WDR48: variants seen among roughly 807,000 people sequenced by gnomAD.
WDR48 encodes WD repeat-containing protein 48.
A neutral mutation model predicts 94.0 loss-of-function variants in WDR48; 22 were observed. The ratio of observed to expected loss-of-function variants is 0.23; its 90% CI spans 0.17 to 0.33. The LOEUF (loss-of-function observed/expected upper bound fraction) is 0.33. Ranked by LOEUF, WDR48 falls within the 10% of genes least tolerant of loss-of-function variation. The probability of loss-of-function intolerance (pLI) is 1.00; values close to 1 mark genes in which losing one functional copy is unlikely to be tolerated. For synonymous variants in WDR48, 278 were observed against 280.5 expected, an observed-to-expected ratio of 0.99 and a Z score of 0.09; for missense variants, 541 against 813.8, an observed-to-expected ratio of 0.66 and a Z score of 4.08.
chr3:39,078,575 T>G (rs1246908385), intron 10 of WDR48, among the ~76,000 whole-genome samples: 1 of 151,878 alleles, frequency 6.6e-6, no homozygotes, highest in Non-Finnish European at 1.5e-5. Context: ...TGAGCTACCA[T>G]GCCCAGCTAC....
rs1366231373 is a variant in WDR48, at chr3:39,093,942, T to C, written c.1814T>C (p.Ile605Thr). The change falls in exon 18 of 19, where the codon ATC becomes ACC. Residue 605 changes from isoleucine (I) to threonine (T), a missense_variant. Ile to Thr is a moderately conservative substitution (Grantham distance 89). Coordinates refer to ENST00000302313, the MANE Select transcript of WDR48 (RefSeq NM_020839.4). ...ATGGAACATGTTTATGAAAAAATTA[T>C]CAACTTGGATAATGAGTCTCAAACC... ...KVMEHVYEKI[I>T]NLDNESQTTS... 1.2e-6 allele frequency: 2 copies of C among 1,613,778 alleles called. No individual in the cohort carries two copies. Among genetic ancestry groups the C allele is most frequent in the Admixed American group, 1.7e-5 (1 of 59,940 alleles).
chr3:39,060,412 G>C (rs1391200530), intron 1 of WDR48, among the ~76,000 whole-genome samples: 2 of 133,072 alleles, frequency 1.5e-5, no homozygotes, highest in African/African-American at 3.2e-5. Flanking sequence ...TACAGTGTGT[G>C]TGTGTGCATA....
At chr3:39,066,440 AAGAG>A in intron 3 of WDR48, 104 bp from the exon 4 acceptor site, 1 of 937,342 alleles carries the variant, frequency 1.1e-6, no homozygotes, top group South Asian at 1.7e-5. Context: ...TTGTGTGTGT[AAGAG>A]AGAGAATATG....
intron 2 of WDR48, among the ~76,000 whole-genome samples, chr3:39,064,431 C>T (rs1031792552): frequency 2.0e-5 from 3 of 152,118 alleles, no homozygotes; most frequent in African/African-American, 7.2e-5. Flanking sequence ...CACGCCACCA[C>T]ATCCAGCTAA....
chr3:39,085,732 C>A (rs1575430288), intron 14 of WDR48, 122 bp downstream of exon 14: 3 of 779,400 alleles, frequency 3.8e-6, no homozygotes, highest in African/African-American at 3.5e-5. Context: ...AGTTTATTGT[C>A]CTCTCTTCCA....
At chr3:39,057,910 C>T (rs1284508239) in intron 1 of WDR48, among the ~76,000 whole-genome samples, 1 of 152,220 alleles carries the variant, frequency 6.6e-6, no homozygotes, top group African/African-American at 2.4e-5. Flanking sequence ...TGAGCCACTG[C>T]GCCTGGCCCC....
chr3:39,063,357 C>T (rs904592970), intron 2 of WDR48, among the ~76,000 whole-genome samples, 167 bp downstream of exon 2: 5 of 152,126 alleles, frequency 3.3e-5, no homozygotes, highest in African/African-American at 1.2e-4. Context: ...CTGAGAAAAA[C>T]CATCCCTAGG....
At chr3:39,092,065 G>C (rs2035099716) in intron 17 of WDR48, among the ~76,000 whole-genome samples, 1 of 152,206 alleles carries the variant, frequency 6.6e-6, no homozygotes, top group Admixed American at 6.5e-5. Flanking sequence ...TGTAGTCCAA[G>C]CTAGCCAGGA....
intron 2 of WDR48, among the ~76,000 whole-genome samples, chr3:39,063,454 A>G (rs2033401330): frequency 6.6e-6 from 1 of 152,222 alleles, no homozygotes; most frequent in Admixed American, 6.5e-5. Flanking sequence ...GAACAAAGTG[A>G]TTTGGCTAGT....
At chr3:39,079,862 T>A in intron 11 of WDR48, 54 bp downstream of exon 11, 1 of 1,013,944 alleles carries the variant, frequency 9.9e-7, no homozygotes, top group Non-Finnish European at 1.4e-6. Context: ...ACCCCCTTTA[T>A]TTTTTATTTT....
chr3:39,087,807 T>C (rs564608224), intron 14 of WDR48: 47 of 180,460 alleles, frequency 2.6e-4, no homozygotes, highest in Non-Finnish European at 4.4e-4. Flanking sequence ...AAACTCTAGA[T>C]CTTCGTTTAT....
chr3:39,074,041 T>C (rs1463955087), intron 7 of WDR48, among the ~76,000 whole-genome samples: 1 of 152,238 alleles, frequency 6.6e-6, no homozygotes, highest in Non-Finnish European at 1.5e-5. Flanking sequence ...TTGTTAGCTC[T>C]GAATGAGACC....
intron 11 of WDR48, among the ~76,000 whole-genome samples, chr3:39,082,912 T>C (rs1275358267): frequency 6.6e-6 from 1 of 152,158 alleles, no homozygotes; most frequent in Non-Finnish European, 1.5e-5. Context: ...ATATGTAGAC[T>C]GAGAAGAAAC....
Position 39,088,322 on chromosome 3 carries a change from A to G in WDR48, c.1580+89A>G, listed in dbSNP as rs952792001. 25 of 1,278,460 alleles carry G rather than the reference A, an allele frequency of 2.0e-5. No individual in the cohort carries two copies. The Admixed American group carries it at 2.1e-4, about 11-fold the overall frequency. The allele number at this position is 1,278,460 out of a possible 1,614,324, so 79.2% of individuals were successfully genotyped here. A position where few individuals can be genotyped will look rare whatever the true frequency, so the allele number is the denominator to read the frequency against. ...CTCAAACTCAGTATTTCGATATTAG[A>G]AATAGTTTATTATTAAATTCTAGGG... is the stretch of plus-strand genomic sequence containing the variant. On this transcript the variant is annotated intron_variant, in intron 15 of 18. Transcript: ENST00000302313.
intron 5 of WDR48, among the ~76,000 whole-genome samples, chr3:39,068,091 T>C (rs1389926754): frequency 6.6e-6 from 1 of 152,194 alleles, no homozygotes; most frequent in East Asian, 1.9e-4. Context: ...TATCACACTT[T>C]TTTTTAATAC....
intron 1 of WDR48, among the ~76,000 whole-genome samples, chr3:39,061,504 G>A (rs1291030720): frequency 2.0e-5 from 3 of 152,116 alleles, no homozygotes; most frequent in Non-Finnish European, 4.4e-5. Context: ...TATCATTGAT[G>A]GACATTTGGG....
intron 16 of WDR48, chr3:39,090,475 G>A (rs1345695647): frequency 6.6e-6 from 1 of 152,082 alleles, no homozygotes; most frequent in African/African-American, 2.4e-5. Context: ...TTCATGTCTT[G>A]TTTAGGTATT....
At chr3:39,071,627 C>T (rs2033940498) in intron 7 of WDR48, among the ~76,000 whole-genome samples, 1 of 152,222 alleles carries the variant, frequency 6.6e-6, no homozygotes, top group South Asian at 2.1e-4. Context: ...CAGCTACAGT[C>T]ATTGTAAGCA....
chr3:39,069,039 C>A (rs113434761), intron 6 of WDR48, among the ~76,000 whole-genome samples, 180 bp downstream of exon 6: 1,773 of 152,310 alleles, frequency 0.012, 32 homozygotes, highest in African/African-American at 0.04. Flanking sequence ...TCACTGCAGC[C>A]TTGACTGCTG....
Sources: gnomAD v4.1 joint callset for allele counts (sites outside exome capture counted in the v4.1 genomes callset) on GRCh38, gnomAD v4.1.1 for gene constraint, MANE v1.5 for transcripts, NCBI Gene and HGNC (gene_info 2026-07-23, HGNC 2026-07-21) for gene names.